Variants in CFAP46 observed in about 807,000 individuals in gnomAD.
CFAP46 encodes cilia and flagella associated protein 46, also known as cilia- and flagella-associated protein 46.
In CFAP46, 245 loss-of-function variants were observed where a neutral mutation model predicts 325.7. The observed-to-expected ratio is 0.75, with a 90% CI of 0.68 to 0.84. CFAP46 has a LOEUF of 0.84. Ranked by LOEUF, CFAP46 falls within the 40% of genes least tolerant of loss-of-function variation. The pLI is 0.00. For missense variants in CFAP46, 3,346 were observed against 3,543.0 expected, an observed-to-expected ratio of 0.94 and a Z score of 1.41; for synonymous variants, 1,523 against 1,495.9, an observed-to-expected ratio of 1.02 and a Z score of -0.42.
In CFAP46 at chr10:132,846,062, A is replaced by C; in HGVS notation, c.6433T>G (p.Ser2145Ala). 1 of 1,575,340 alleles carries C rather than the reference A, an allele frequency of 6.3e-7. No individual in the cohort carries two copies. ...ARVEQRLAAV[S>A]KAWQNLCVTE... is the part of the protein sequence containing the mutation. ...CGGCATCCGTGCCCGCTTACCTTGG[A>C]CACGGCGGCCAGCCTCTGCTCCACA... The change falls in exon 44 of 58, where the codon TCC (serine) becomes GCC (alanine). Residue 2145 changes from serine to alanine, a missense_variant. Transcript: ENST00000368586.
rs761450310 is a variant in CFAP46, at chr10:132,833,540, T to C, written c.6950-15A>G. On this transcript the variant is annotated splice_polypyrimidine_tract_variant and intron_variant, in intron 49 of 57. Transcript: ENST00000368586. ...CTGGACTGTGCCTGGGAAACAGCAG[T>C]GCAGGGAGATCAGCTCCTGAAGACG... 29 of 1,605,902 alleles carry C rather than the reference T, an allele frequency of 1.8e-5. No homozygotes were observed. The highest frequency in any genetic ancestry group is 9.9e-5 in the South Asian group (9 of 90,558).
At chr10:132,923,654 A>G (rs577715921) in intron 11 of CFAP46, among the ~76,000 whole-genome samples, 1 of 152,188 alleles carries the variant, frequency 6.6e-6, no homozygotes, top group Non-Finnish European at 1.5e-5. Flanking sequence ...TGATGGCCCC[A>G]GGCTTGAGAA....
chr10:132,938,460 A>C (rs560325192), intron 5 of CFAP46, 129 bp downstream of exon 5: 2 of 883,212 alleles, frequency 2.3e-6, no homozygotes, highest in South Asian at 3.3e-5. Context: ...TGACTGTGGG[A>C]GAGAACGCAC....
In CFAP46 at chr10:132,851,218, T is replaced by C. The variant is rs1445526213; in HGVS notation, c.5662A>G (p.Ile1888Val). ...VEMALDMLQF[I>V]WEEAHGQQSE... is the part of the protein sequence containing the mutation. ...TGCTGCCCGTGGGCCTCCTCCCAGA[T>C]GAACTGGAGCATGTCCAGAGCCATT... The change falls in exon 40 of 58, where the codon ATC becomes GTC. Residue 1888 changes from isoleucine to valine, a missense_variant. Ile to Val is a conservative substitution (Grantham distance 29). Transcript: ENST00000368586. The C allele has an allele frequency of 2.5e-6, 4 of 1,614,004 alleles. No homozygotes were observed. The African/African-American group carries it at 5.3e-5, about 22-fold the overall frequency.
At chr10:132,885,980 T>C in intron 25 of CFAP46, 21 bp from the exon 26 acceptor site, 1 of 1,547,852 alleles carries the variant, frequency 6.5e-7, no homozygotes, top group Non-Finnish European at 8.7e-7. Flanking sequence ...GAAGGAGGGG[T>C]GTCCTTGGAG....
chr10:132,860,747 C>A (rs1465483558), intron 36 of CFAP46, 35 bp downstream of exon 36: 1 of 1,545,632 alleles, frequency 6.5e-7, no homozygotes, highest in Non-Finnish European at 8.7e-7. Flanking sequence ...TGGCCCGGCA[C>A]CCGACATGCA....
rs118104490 is a variant in CFAP46, at chr10:132,867,092, C to T, written c.4743+283G>A. Among the ~76,000 whole-genome samples, 374 of 152,248 alleles carry T rather than the reference C, an allele frequency of 2.5e-3. 8 individuals carry two copies. The East Asian group carries it at 0.056, about 23-fold the overall frequency. ...TCACAGGAAGCCCCTCGCACACTGA[C>T]ACACAGGCCAGCCCCACACAAACAG... On this transcript the variant is annotated intron_variant, in intron 34 of 57. Transcript: ENST00000368586.
At chr10:132,916,415 G>C in intron 17 of CFAP46, 134 bp downstream of exon 17, 1 of 970,058 alleles carries the variant, frequency 1.0e-6, no homozygotes, top group Non-Finnish European at 1.4e-6. Flanking sequence ...CGTGACGATG[G>C]ACACGTCCCC....
chr10:132,814,323 C>T (rs1847644668), intron 53 of CFAP46, 69 bp from the exon 54 acceptor site: 13 of 1,350,300 alleles, frequency 9.6e-6, no homozygotes, highest in Non-Finnish European at 1.3e-5. Flanking sequence ...GGCCGGGGTC[C>T]CTGGGGAGGG....
In CFAP46 at chr10:132,847,378, G is replaced by T; in HGVS notation, c.5953-57C>A. 1 of 1,600,150 alleles carries T rather than the reference G, an allele frequency of 6.2e-7. No individual in the cohort carries two copies. The highest frequency in any genetic ancestry group is 1.1e-5 in the South Asian group (1 of 89,768). On this transcript the variant is annotated intron_variant, in intron 41 of 57. Coordinates refer to ENST00000368586, the MANE Select transcript of CFAP46 (RefSeq NM_001200049.3). This position sits in a 1 kb window ranked among gnomAD's most constrained non-coding sequence, Gnocchi z 5.2. The stretch of plus-strand genomic sequence containing the variant: ...TCTGGGTTCCTGCTTGGTCGGCGTG[G>T]GGAGGGCCCACCCAGGGAGGCCGGG...
intron 5 of CFAP46, among the ~76,000 whole-genome samples, chr10:132,938,162 G>C (rs115539386): frequency 6.6e-6 from 1 of 152,212 alleles, no homozygotes; most frequent in Non-Finnish European, 1.5e-5. Context: ...CTGAGACCCA[G>C]CAAGGCCGGC....
At chr10:132,922,273 G>A (rs1849736080) in intron 12 of CFAP46, 49 bp from the exon 13 acceptor site, 2 of 1,525,170 alleles carry the variant, frequency 1.3e-6, no homozygotes, top group South Asian at 1.2e-5. Context: ...ACTTTCCACA[G>A]CACCTTCTCC....
Position 132,884,436 on chromosome 10 carries a change from G to A in CFAP46, c.3627+667C>T, listed in dbSNP as rs184480808. ...TTGCTCTGAGCCGGAGAAACAGCTC[G>A]TGTAACAGAAAAGCCTTTTAAGATC... On this transcript the variant is annotated intron_variant, in intron 27 of 57. Transcript: ENST00000368586. The surrounding 1 kb of genome is among the most constrained non-coding windows in gnomAD (Gnocchi z 5.4). 1.7e-4 allele frequency among the ~76,000 whole-genome samples: 26 copies of A among 152,290 alleles called. No individual in the cohort carries two copies. Among genetic ancestry groups the A allele is most frequent in the Admixed American group, 1.2e-3 (19 of 15,298 alleles).
intron 19 of CFAP46, among the ~76,000 whole-genome samples, chr10:132,911,179 G>A (rs368890711): frequency 8.7e-4 from 133 of 152,296 alleles, no homozygotes; most frequent in African/African-American, 2.7e-3. Context: ...CCCCGGAGCC[G>A]GCCCCTTGTC....
rs1050896311 is a variant in CFAP46, at chr10:132,847,770, C to A, written c.5953-449G>T. Among the ~76,000 whole-genome samples the A allele has an allele frequency of 6.6e-6, 1 of 152,184 alleles. No individual in the cohort carries two copies. Among genetic ancestry groups the A allele is most frequent in the African/African-American group, 2.4e-5 (1 of 41,446 alleles). Reference sequence around the variant, plus strand: ...CCCACCTGGGTATAGGAAGCCCTGGCAGCCCCTGAAGAACCTGGGTTGAGA... The same window carrying A: ...CCCACCTGGGTATAGGAAGCCCTGGAAGCCCCTGAAGAACCTGGGTTGAGA... On this transcript the variant is annotated intron_variant, in intron 41 of 57. Coordinates refer to ENST00000368586, the MANE Select transcript of CFAP46 (RefSeq NM_001200049.3). The surrounding 1 kb of genome is among the most constrained non-coding windows in gnomAD (Gnocchi z 5.2).
chr10:132,871,037 T>C (rs1419965778), intron 32 of CFAP46, among the ~76,000 whole-genome samples: 3 of 152,228 alleles, frequency 2.0e-5, no homozygotes, highest in Non-Finnish European at 4.4e-5. Flanking sequence ...TCATTCACCA[T>C]TCTGAAAATC....
At chr10:132,868,661 G>A (rs1341883679) in intron 33 of CFAP46, among the ~76,000 whole-genome samples, 1 of 152,152 alleles carries the variant, frequency 6.6e-6, no homozygotes, top group African/African-American at 2.4e-5. Flanking sequence ...CTGAATGATG[G>A]GGCCAATCGT....
At chr10:132,812,697 A>G in intron 55 of CFAP46, 88 bp downstream of exon 55, 1 of 907,592 alleles carries the variant, frequency 1.1e-6, no homozygotes, top group South Asian at 1.4e-5. Flanking sequence ...TGGGGGCAGC[A>G]CCAGCAGGTG....
intron 44 of CFAP46, among the ~76,000 whole-genome samples, chr10:132,843,494 T>C (rs956479179): frequency 2.0e-4 from 27 of 137,108 alleles, no homozygotes; most frequent in Non-Finnish European, 2.5e-4. Flanking sequence ...GTTCCCAGGG[T>C]GCTGTAGGGC....
Sources: allele counts gnomAD v4.1 joint callset (sites outside exome capture counted in the v4.1 genomes callset), GRCh38; gene constraint gnomAD v4.1.1; non-coding constraint Gnocchi (gnomAD v3.1); transcripts MANE v1.5; gene names NCBI Gene and HGNC (gene_info 2026-07-23, HGNC 2026-07-21).